Variants in ARHGEF38 observed in about 807,000 individuals in gnomAD.
ARHGEF38 encodes the protein Rho guanine nucleotide exchange factor (GEF) 38.
ARHGEF38 carries 79 observed loss-of-function variants against 79.9 expected under a neutral mutation model. The observed-to-expected ratio is 0.99, with a 90% CI of 0.82 to 1.19. The LOEUF is 1.19. Ranked by LOEUF, ARHGEF38 falls within the 50% of genes most tolerant of loss-of-function variation. The pLI, the probability that ARHGEF38 is intolerant of heterozygous loss-of-function variation, is 0.00. For missense variants in ARHGEF38, 962 were observed against 907.2 expected (o/e 1.06, Z -0.78); for synonymous variants, 366 against 328.3 (o/e 1.11, Z -1.24).
At chr4:105,681,382 G>A (rs538865730), downstream of ARHGEF38, among the ~76,000 whole-genome samples, 8 of 152,132 alleles carry the variant, frequency 5.3e-5, no homozygotes, top group Admixed American at 2.0e-4. Flanking sequence ...GAAAAACCTA[G>A]GGATTAAGGA....
At chr4:105,671,140 G>C (rs865897608) in intron 13 of ARHGEF38, among the ~76,000 whole-genome samples, 1 of 152,064 alleles carries the variant, frequency 6.6e-6, no homozygotes, top group Admixed American at 6.6e-5. Flanking sequence ...TCTGCATTTG[G>C]CACCAATTCA....
intron 4 of ARHGEF38, chr4:105,632,658 G>T (rs1280392510): frequency 6.6e-6 from 1 of 152,124 alleles, no homozygotes; most frequent in Non-Finnish European, 1.5e-5. Context: ...ATAAAAGCTG[G>T]AGCCATTTTC....
intron 2 of ARHGEF38, among the ~76,000 whole-genome samples, chr4:105,601,005 C>T (rs1727797231): frequency 6.6e-6 from 1 of 152,140 alleles, no homozygotes; most frequent in East Asian, 1.9e-4. Context: ...TCTTGTGACC[C>T]ATCTTTCTTC....
At chr4:105,667,963 A>G (rs922672703) in intron 13 of ARHGEF38, among the ~76,000 whole-genome samples, 7 of 152,178 alleles carry the variant, frequency 4.6e-5, no homozygotes, top group Non-Finnish European at 8.8e-5. Flanking sequence ...GGGAGCTATT[A>G]CTATTACTAC....
At chr4:105,598,069 G>A (rs1268248525) in intron 2 of ARHGEF38, among the ~76,000 whole-genome samples, 1 of 151,798 alleles carries the variant, frequency 6.6e-6, no homozygotes, top group East Asian at 1.9e-4. Context: ...AAGAATAAGG[G>A]TACACATTCG....
intron 1 of ARHGEF38, among the ~76,000 whole-genome samples, chr4:105,569,050 A>G (rs1726085292): frequency 1.3e-5 from 2 of 152,200 alleles, no homozygotes; most frequent in Non-Finnish European, 1.5e-5. Context: ...TTGAAAAACA[A>G]TATCAGAGGG....
intron 10 of ARHGEF38, among the ~76,000 whole-genome samples, chr4:105,661,474 TTTATTATTATTATTATTATTATTA>T (rs140964351): frequency 9.2e-5 from 13 of 141,794 alleles, no homozygotes; most frequent in African/African-American, 3.4e-4. Context: ...TCCACACCTC[TTTATTATTATTATTATTATTATTA>T]TTATTATTAT....
At chr4:105,609,544 T>C (rs553940665) in intron 2 of ARHGEF38, among the ~76,000 whole-genome samples, 1 of 152,196 alleles carries the variant, frequency 6.6e-6, no homozygotes, top group South Asian at 2.1e-4. Flanking sequence ...AAGCAATCTA[T>C]AGACTAAATG....
chr4:105,665,373 T>C (rs1254851452), intron 10 of ARHGEF38, among the ~76,000 whole-genome samples: 1 of 151,856 alleles, frequency 6.6e-6, no homozygotes, highest in Non-Finnish European at 1.5e-5. Context: ...GATGCGTGGC[T>C]ATAATCCCAG....
chr4:105,656,173 G>A (rs1308933462), intron 9 of ARHGEF38, among the ~76,000 whole-genome samples: 1 of 152,032 alleles, frequency 6.6e-6, no homozygotes, highest in Non-Finnish European at 1.5e-5. Flanking sequence ...TCGCTCCTCA[G>A]CCTCTCGAGT....
At chr4:105,667,026 G>C (rs1021802581) in intron 11 of ARHGEF38, 103 bp from the exon 12 acceptor site, 4 of 957,572 alleles carry the variant, frequency 4.2e-6, no homozygotes, top group African/African-American at 3.3e-5. Context: ...AAAAATATAT[G>C]ACTCCTACGT....
intron 5 of ARHGEF38, among the ~76,000 whole-genome samples, chr4:105,640,758 C>A (rs1253052839): frequency 6.6e-6 from 1 of 152,138 alleles, no homozygotes; most frequent in East Asian, 1.9e-4. Flanking sequence ...CTATCGAATT[C>A]TAAATTGGAA....
chr4:105,593,107 A>G (rs1012265165), intron 2 of ARHGEF38, among the ~76,000 whole-genome samples: 3 of 152,202 alleles, frequency 2.0e-5, no homozygotes, highest in Non-Finnish European at 4.4e-5. Context: ...AATCATCTAT[A>G]TTCATTGTCT....
intron 4 of ARHGEF38, 83 bp downstream of exon 4, chr4:105,631,128 T>C: frequency 6.8e-7 from 1 of 1,462,426 alleles, no homozygotes; most frequent in South Asian, 1.6e-5. Flanking sequence ...ATGAAAGGTC[T>C]CACATAAATC....
Position 105,553,738 on chromosome 4 carries a change from T to C in ARHGEF38, c.196+777T>C, listed in dbSNP as rs571787324. ...GGTCATTTGTTCTAGTAAAATTTCA[T>C]TTTGATGTTGATATTGGGCAGCATT... On this transcript the variant is annotated intron_variant, in intron 1 of 13. Transcript: ENST00000420470. 3.9e-5 allele frequency among the ~76,000 whole-genome samples: 6 copies of C among 152,296 alleles called. No individual in the cohort carries two copies. In the South Asian group the frequency reaches 1.0e-3, roughly 26 times the overall value.
chr4:105,624,666 G>A (rs1341075512), intron 3 of ARHGEF38, among the ~76,000 whole-genome samples: 1 of 152,138 alleles, frequency 6.6e-6, no homozygotes, highest in African/African-American at 2.4e-5. Flanking sequence ...ATGCTCCCTT[G>A]GAGAACAGAA....
intron 6 of ARHGEF38, among the ~76,000 whole-genome samples, chr4:105,647,243 G>A (rs896792929): frequency 4.0e-5 from 6 of 151,784 alleles, no homozygotes; most frequent in African/African-American, 1.5e-4. Flanking sequence ...TTCTTCAGAC[G>A]TACTCTGTCT....
intron 10 of ARHGEF38, 90 bp from the exon 11 acceptor site, chr4:105,666,087 C>G (rs1730738520): frequency 1.7e-6 from 2 of 1,209,228 alleles, no homozygotes; most frequent in Non-Finnish European, 2.2e-6. Context: ...CCATATACCT[C>G]CTCAACTGTT....
intron 3 of ARHGEF38, among the ~76,000 whole-genome samples, chr4:105,616,740 C>T (rs180832062): frequency 6.6e-6 from 1 of 152,234 alleles, no homozygotes; most frequent in Admixed American, 6.5e-5. Flanking sequence ...ATCAAAGGGT[C>T]CTCAATGCTA....
Sources: allele counts gnomAD v4.1 joint callset (sites outside exome capture counted in the v4.1 genomes callset), GRCh38; gene constraint gnomAD v4.1.1; transcripts MANE v1.5; gene names NCBI Gene and HGNC (gene_info 2026-07-23, HGNC 2026-07-21).